Variants in SYNPO2 observed in about 807,000 individuals in gnomAD.
SYNPO2 encodes synaptopodin 2, also known as synaptopodin-2.
A neutral mutation model predicts 85.0 loss-of-function variants in SYNPO2; 56 were observed. The observed-to-expected ratio is 0.66, with a 90% confidence interval of 0.53 to 0.82. The LOEUF is 0.82. SYNPO2 is among the 40% of genes least tolerant of loss of function. SYNPO2 has a pLI of 0.00. For synonymous variants in SYNPO2, 602 were observed against 591.1 expected (o/e 1.02, Z -0.27); for missense variants, 1,575 against 1,534.2 (o/e 1.03, Z -0.44).
At chr4:118,886,246 T>A (rs11936305), upstream of SYNPO2, among the ~76,000 whole-genome samples, 38,564 of 152,128 alleles carry the variant, frequency 0.25, 5,880 homozygotes, top group Non-Finnish European at 0.35. Flanking sequence ...GCTCATTTTT[T>A]AAAAATTTTT....
At chr4:118,935,464 A>G (rs1402920148) in intron 1 of SYNPO2, among the ~76,000 whole-genome samples, 1 of 152,290 alleles carries the variant, frequency 6.6e-6, no homozygotes, top group African/African-American at 2.4e-5. Context: ...ATTTAAATCA[A>G]TGTATACATA....
intron 1 of SYNPO2, among the ~76,000 whole-genome samples, chr4:118,986,324 C>T (rs1196585882): frequency 1.3e-5 from 2 of 152,158 alleles, no homozygotes; most frequent in African/African-American, 4.8e-5. Context: ...ACTCAGTAAT[C>T]CAGTTAAGAC....
At chr4:118,869,633 G>A (rs1306368815) in intron 1 of SYNPO2, among the ~76,000 whole-genome samples, 1 of 152,030 alleles carries the variant, frequency 6.6e-6, no homozygotes, top group Non-Finnish European at 1.5e-5. Context: ...TCTACTTGAA[G>A]GGCAGGAAAA....
rs1167387982 is a variant in SYNPO2 at position 119,031,745 on chromosome 4, G to A, written c.2970G>A (p.Gln990=). 6.2e-7 allele frequency: 1 copy of A among 1,614,062 alleles called. No individual in the cohort carries two copies. Among genetic ancestry groups the A allele is most frequent in the East Asian group, 2.2e-5 (1 of 44,892 alleles). The part of the protein sequence containing the change: ...QPPDAKDGLP[Q]KSSVKVNSAL... Reference sequence around the variant, plus strand: ...CAGATGCAAAGGATGGCCTCCCCCAGAAGTCATCAGTCAAGGTCAATTCAG... The same window carrying A: ...CAGATGCAAAGGATGGCCTCCCCCAAAAGTCATCAGTCAAGGTCAATTCAG... The change falls in exon 4 of 5, where the codon CAG becomes CAA. Residue 990 remains glutamine, a synonymous_variant. Coordinates refer to ENST00000307142, the MANE Select transcript of SYNPO2 (RefSeq NM_133477.3).
chr4:118,923,070 T>C (rs1578553632), intron 1 of SYNPO2, among the ~76,000 whole-genome samples: 1 of 152,170 alleles, frequency 6.6e-6, no homozygotes, highest in East Asian at 1.9e-4. Flanking sequence ...AAACAAAATA[T>C]TCTCTGCCAT....
intron 1 of SYNPO2, among the ~76,000 whole-genome samples, chr4:118,877,962 T>C (rs1731958825): frequency 6.6e-6 from 1 of 152,162 alleles, no homozygotes; most frequent in South Asian, 2.1e-4. Flanking sequence ...TCAATCTAAA[T>C]GCCCGTCAAC....
At chr4:118,882,259 G>A (rs1292397132) in intron 1 of SYNPO2, among the ~76,000 whole-genome samples, 1 of 152,112 alleles carries the variant, frequency 6.6e-6, no homozygotes, top group Non-Finnish European at 1.5e-5. Context: ...TTTAGCGGCT[G>A]TTCCAAATAA....
intron 1 of SYNPO2, among the ~76,000 whole-genome samples, chr4:118,996,455 A>G (rs993797828): frequency 6.6e-6 from 1 of 152,182 alleles, no homozygotes; most frequent in African/African-American, 2.4e-5. Context: ...GGAGAATATA[A>G]TTGTATATCA....
At chr4:118,874,649 C>G (rs2110574528) in intron 1 of SYNPO2, among the ~76,000 whole-genome samples, 1 of 152,076 alleles carries the variant, frequency 6.6e-6, no homozygotes, top group East Asian at 1.9e-4. Flanking sequence ...TAGATAGAGG[C>G]TTTGTGGGGT....
chr4:119,039,645 C>T (rs1033574999), intron 4 of SYNPO2, among the ~76,000 whole-genome samples: 16 of 152,258 alleles, frequency 1.1e-4, no homozygotes, highest in African/African-American at 3.9e-4. Context: ...CCTCAAACAC[C>T]TACCGCTTCC....
At chr4:119,054,120 ATGAG>A (rs1246113551) in intron 4 of SYNPO2, among the ~76,000 whole-genome samples, 1 of 152,238 alleles carries the variant, frequency 6.6e-6, no homozygotes, top group East Asian at 1.9e-4. Flanking sequence ...GAGGGAGCAC[ATGAG>A]TGAGTGAGTG....
rs1380111869 is a variant in SYNPO2, at chr4:119,023,437, A to G, written c.113A>G (p.Asn38Ser). 1.2e-6 allele frequency: 2 copies of G among 1,606,672 alleles called. No homozygotes were observed. Among genetic ancestry groups the G allele is most frequent in the East Asian group, 4.5e-5 (2 of 44,780 alleles). ...TTTTTTTACTCCACTCAGATTCGAA[A>G]TCAGAGCAAAGCCTCTGGGTCTGGG... ...KQPLQVAKIR[N>S]QSKASGSGLC... Residue 38 changes from asparagine (N) to serine (S), a missense_variant, in exon 2 of 5, where the codon AAT becomes AGT. This residue lies in a region of SYNPO2 where 55 missense variants were observed against 55.5 expected (regional missense o/e 0.99). Transcript: ENST00000307142.
chr4:118,976,870 G>C (rs1439708982), intron 1 of SYNPO2, among the ~76,000 whole-genome samples: 1 of 151,960 alleles, frequency 6.6e-6, no homozygotes, highest in African/African-American at 2.4e-5. Flanking sequence ...GTGTCGATTG[G>C]TGCACTCACA....
intron 1 of SYNPO2, among the ~76,000 whole-genome samples, chr4:118,927,346 T>C (rs555755618): frequency 2.8e-4 from 43 of 152,286 alleles, no homozygotes; most frequent in African/African-American, 1.0e-3. Flanking sequence ...TTTTTTATTA[T>C]TGATAAGACA....
intron 1 of SYNPO2, among the ~76,000 whole-genome samples, chr4:118,874,324 G>T (rs1233067614): frequency 6.6e-6 from 1 of 152,172 alleles, no homozygotes; most frequent in African/African-American, 2.4e-5. Flanking sequence ...TAGGAAGAAT[G>T]ATGTGGAAAA....
Position 119,031,852 on chromosome 4 carries a change from C to T in SYNPO2, c.3077C>T (p.Ser1026Leu), listed in dbSNP as rs754364106. The change falls in exon 4 of 5, where the codon TCG (serine) becomes TTG (leucine). Residue 1026 changes from serine to leucine, a missense_variant. Physicochemically the swap from Ser to Leu is moderately radical, Grantham distance 145 (BLOSUM62 -2). This residue lies in a region of SYNPO2 where 1,508 missense variants were observed against 1,446.8 expected (regional missense o/e 1.04). Transcript: ENST00000307142. ...AATGTGCAGGCTTCGTCAGTGTACT[C>T]GGTACCAGCCTATACCTCTCCTCCT... ...PTNVQASSVY[S>L]VPAYTSPPSF... The T allele has an allele frequency of 1.1e-5, 18 of 1,614,210 alleles. No homozygotes were observed. The highest frequency in any genetic ancestry group is 1.3e-5 in the African/African-American group (1 of 75,068).
intron 1 of SYNPO2, among the ~76,000 whole-genome samples, chr4:118,938,334 A>G (rs920747553): frequency 3.9e-5 from 6 of 152,140 alleles, no homozygotes; most frequent in African/African-American, 4.8e-5. Context: ...TAAAGAAAAC[A>G]TATGTATATT....
intron 1 of SYNPO2, among the ~76,000 whole-genome samples, chr4:118,971,347 C>G (rs1159056164): frequency 4.6e-5 from 7 of 152,128 alleles, no homozygotes; most frequent in Non-Finnish European, 2.9e-5. Flanking sequence ...TTCAAGACAG[C>G]AGAGGACTGG....
chr4:118,935,804 A>C (rs1734080852), intron 1 of SYNPO2, among the ~76,000 whole-genome samples: 1 of 151,412 alleles, frequency 6.6e-6, no homozygotes, highest in Admixed American at 6.6e-5. Context: ...CAATAAAGTA[A>C]GTTAGAGAAA....
Sources: gnomAD v4.1 joint callset for allele counts (sites outside exome capture counted in the v4.1 genomes callset) on GRCh38, gnomAD v4.1.1 for gene constraint, gnomAD v4.1.1 regional missense constraint, MANE v1.5 for transcripts, NCBI Gene and HGNC (gene_info 2026-07-23, HGNC 2026-07-21) for gene names.